TRIO: variants seen among roughly 807,000 people sequenced by gnomAD.
TRIO encodes triple functional domain protein.
A neutral mutation model predicts 351.9 loss-of-function variants in TRIO; 58 were observed. That is an observed-to-expected ratio of 0.16 (90% confidence interval 0.13 to 0.21). TRIO has a LOEUF of 0.21. Ranked by LOEUF, TRIO falls within the 10% of genes least tolerant of loss-of-function variation. The pLI is 1.00. For synonymous variants in TRIO, 1,758 were observed against 1,595.7 expected (o/e 1.10, Z -2.42); for missense variants, 3,201 against 4,027.8 (o/e 0.79, Z 5.56).
At chr5:14,489,495 C>T (rs1417066372) in intron 48 of TRIO, among the ~76,000 whole-genome samples, 1 of 152,140 alleles carries the variant, frequency 6.6e-6, no homozygotes, top group Non-Finnish European at 1.5e-5. Flanking sequence ...GCAGTCAACC[C>T]AGTGACGGGC....
chr5:14,170,978 A>G (rs1467092690), intron 1 of TRIO, among the ~76,000 whole-genome samples: 6 of 152,222 alleles, frequency 3.9e-5, no homozygotes, highest in Non-Finnish European at 4.4e-5. Flanking sequence ...TTAACAATGT[A>G]TAAGTAATGA....
At position 14,507,248 on chromosome 5, in the gene TRIO, C is replaced by G. The variant is rs1381503814; in HGVS notation, c.8739C>G (p.His2913Gln). The G allele has an allele frequency of 1.2e-6, 2 of 1,611,552 alleles. No individual in the cohort carries two copies. The highest frequency in any genetic ancestry group is 1.1e-5 in the South Asian group (1 of 90,950). ...ACCTGCACAACTGCAGGATAGCACA[C>G]CTGGACCTAAAGGTTGGTGAGGCCC... Reference protein sequence around the residue: ...VRYLHNCRIAHLDLKPENILV... With the variant: ...VRYLHNCRIAQLDLKPENILV... Residue 2913 changes from histidine to glutamine, a missense_variant, in exon 56 of 57, where the codon CAC (histidine) becomes CAG (glutamine). By Grantham distance (24) the His-to-Gln change is conservative. Transcript: ENST00000344204.
At chr5:14,374,143 C>T (rs1745356803) in intron 18 of TRIO, 86 bp from the exon 19 acceptor site, 2 of 887,204 alleles carry the variant, frequency 2.3e-6, no homozygotes, top group Non-Finnish European at 3.5e-6. Flanking sequence ...TAGGTAAAGA[C>T]ATACGTTAGA....
intron 1 of TRIO, among the ~76,000 whole-genome samples, chr5:14,259,399 T>G (rs1471394499): frequency 6.6e-6 from 1 of 152,260 alleles, no homozygotes; most frequent in Admixed American, 6.5e-5. Flanking sequence ...GGAGAAGAAT[T>G]GAAATGAATT....
chr5:14,345,558 A>G (rs1011933318), intron 11 of TRIO, among the ~76,000 whole-genome samples: 11 of 152,228 alleles, frequency 7.2e-5, no homozygotes, highest in Non-Finnish European at 1.3e-4. Context: ...ATAGGCGTAC[A>G]TGAATAGCCC....
intron 1 of TRIO, among the ~76,000 whole-genome samples, chr5:14,175,093 C>G (rs1428252789): frequency 1.3e-5 from 2 of 152,112 alleles, no homozygotes; most frequent in African/African-American, 4.8e-5. Flanking sequence ...TTAAGTTTCT[C>G]TATGCACTTA....
chr5:14,205,460 T>G (rs1295581534), intron 1 of TRIO, among the ~76,000 whole-genome samples: 1 of 152,204 alleles, frequency 6.6e-6, no homozygotes, highest in Non-Finnish European at 1.5e-5. Flanking sequence ...TACGTTAGAT[T>G]CAAAATGAAG....
chr5:14,242,204 C>A (rs566110051), intron 1 of TRIO, among the ~76,000 whole-genome samples: 2 of 152,376 alleles, frequency 1.3e-5, no homozygotes, highest in East Asian at 3.9e-4. Flanking sequence ...CTCTTAGCCT[C>A]TGGACTACTG....
At chr5:14,507,378 G>A in intron 56 of TRIO, 118 bp downstream of exon 56, 1 of 1,442,848 alleles carries the variant, frequency 6.9e-7, no homozygotes, top group Non-Finnish European at 9.3e-7. Context: ...GACAAAAAGG[G>A]TGGGTGGGGC....
chr5:14,247,110 G>A (rs1794485415), intron 1 of TRIO, among the ~76,000 whole-genome samples: 1 of 152,236 alleles, frequency 6.6e-6, no homozygotes, highest in African/African-American at 2.4e-5. Flanking sequence ...AGCAAGGGCT[G>A]GCACCTGCAT....
chr5:14,415,329 CCT>C (rs1434037817), intron 33 of TRIO, among the ~76,000 whole-genome samples: 11 of 152,144 alleles, frequency 7.2e-5, no homozygotes, highest in African/African-American at 2.4e-4. Flanking sequence ...GAGAGAGCCC[CCT>C]CTTCCTCAGG....
At chr5:14,159,632 G>A (rs1013377095) in intron 1 of TRIO, among the ~76,000 whole-genome samples, 2 of 150,418 alleles carry the variant, frequency 1.3e-5, no homozygotes, top group African/African-American at 4.9e-5. Context: ...GCAGTGGCAC[G>A]ACCTCGGCTC....
At position 14,269,973 on chromosome 5, in the gene TRIO, C is replaced by T. The variant is rs115812015; in HGVS notation, c.158-852C>T. Among the ~76,000 whole-genome samples, 813 of 152,244 alleles carry T rather than the reference C, an allele frequency of 5.3e-3. 7 individuals carry two copies. The highest frequency in any genetic ancestry group is 0.018 in the African/African-American group (764 of 41,528). Reference sequence around the variant, plus strand: ...AACCTAGATGACCTCTGTTAGAGATCGCCGAGAGAAATATCCAGTTATTAT... The same window carrying T: ...AACCTAGATGACCTCTGTTAGAGATTGCCGAGAGAAATATCCAGTTATTAT... On this transcript the variant is annotated intron_variant, in intron 1 of 56. Coordinates refer to ENST00000344204, the MANE Select transcript of TRIO (RefSeq NM_007118.4).
intron 34 of TRIO, among the ~76,000 whole-genome samples, chr5:14,429,082 CAG>C (rs1750884829): frequency 1.3e-5 from 2 of 152,162 alleles, no homozygotes; most frequent in African/African-American, 4.8e-5. Context: ...TGAAAAATTA[CAG>C]AGAGATGATG....
intron 2 of TRIO, among the ~76,000 whole-genome samples, chr5:14,278,948 A>G (rs1457938554): frequency 2.0e-5 from 3 of 152,234 alleles, no homozygotes; most frequent in Non-Finnish European, 2.9e-5. Context: ...TAGCGATGAC[A>G]GTGTTGCATA....
chr5:14,218,044 A>G (rs537593399), intron 1 of TRIO, among the ~76,000 whole-genome samples: 1 of 152,344 alleles, frequency 6.6e-6, no homozygotes, highest in African/African-American at 2.4e-5. Context: ...TTTTTAGTAT[A>G]ACTATAGTTC....
chr5:14,286,871 C>T lies in TRIO; in HGVS notation c.348C>T (p.Ser116=), dbSNP rs144904902. 8.7e-5 allele frequency: 140 copies of T among 1,611,142 alleles called. No homozygotes were observed. The highest frequency in any genetic ancestry group is 5.2e-4 in the African/African-American group (39 of 74,822). Reference sequence around the variant, plus strand: ...TCAGCCATGTTTTCTTTCTCTGCAGCGAGGAGGTCTGCAAGCGTGGCTTCA... The same window carrying T: ...TCAGCCATGTTTTCTTTCTCTGCAGTGAGGAGGTCTGCAAGCGTGGCTTCA... ...RLISYLACIP[S]EEVCKRGFTV... The change falls in exon 4 of 57, where the codon AGC becomes AGT. Residue 116 remains serine, a splice_region_variant and synonymous_variant. Coordinates refer to ENST00000344204, the MANE Select transcript of TRIO (RefSeq NM_007118.4). The surrounding 1 kb of genome is among the most constrained non-coding windows in gnomAD (Gnocchi z 4.4).
Position 14,506,563 on chromosome 5 carries a change from G to T in TRIO, c.8613-559G>T, listed in dbSNP as rs185902545. ...TCACAGAGAGTCATAAGGATTAAAT[G>T]AGTTGTTAGAAGGCATTGAGCCCCT... On this transcript the variant is annotated intron_variant, in intron 55 of 56. Transcript: ENST00000344204. 5.8e-3 allele frequency among the ~76,000 whole-genome samples: 876 copies of T among 152,332 alleles called. 7 individuals carry two copies. Among genetic ancestry groups the T allele is most frequent in the African/African-American group, 0.02 (830 of 41,562 alleles).
intron 4 of TRIO, among the ~76,000 whole-genome samples, chr5:14,288,440 G>C (rs1391007494): frequency 6.6e-6 from 1 of 152,030 alleles, no homozygotes; most frequent in Non-Finnish European, 1.5e-5. Flanking sequence ...AGGCCGAGGC[G>C]GGCGGACCAC....
Sources: allele counts gnomAD v4.1 joint callset (sites outside exome capture counted in the v4.1 genomes callset), GRCh38; gene constraint gnomAD v4.1.1; non-coding constraint Gnocchi (gnomAD v3.1); transcripts MANE v1.5; gene names NCBI Gene and HGNC (gene_info 2026-07-23, HGNC 2026-07-21).